The following DAB1 variants were observed in gnomAD, a reference collection of about 807,000 sequenced individuals.
DAB1 encodes DAB adaptor protein 1, also known as disabled homolog 1.
DAB1 carries 15 observed loss-of-function variants against 64.6 expected under a neutral mutation model. The observed-to-expected ratio is 0.23, with a 90% confidence interval of 0.16 to 0.36. The LOEUF (loss-of-function observed/expected upper bound fraction) is 0.36, where lower values mean the gene tolerates loss of function less well. DAB1 is among the 10% of genes least tolerant of loss of function. The pLI is 1.00. For missense variants in DAB1, 596 were observed against 706.7 expected (o/e 0.84, Z 1.78); for synonymous variants, 235 against 251.9 (o/e 0.93, Z 0.64).
intron 4 of DAB1, among the ~76,000 whole-genome samples, chr1:58,248,935 C>G (rs1413431584): frequency 6.6e-6 from 1 of 152,118 alleles, no homozygotes; most frequent in Non-Finnish European, 1.5e-5. Flanking sequence ...TAAGGAACCT[C>G]GGTCTGCAAC....
intron 1 of DAB1, among the ~76,000 whole-genome samples, chr1:57,351,021 C>T (rs1370287481): frequency 6.6e-6 from 1 of 152,184 alleles, no homozygotes; most frequent in Admixed American, 6.5e-5. Flanking sequence ...CAACTCACTT[C>T]TTACATACTA....
At chr1:58,309,130 A>G (rs1662373075) in intron 4 of DAB1, among the ~76,000 whole-genome samples, 1 of 152,118 alleles carries the variant, frequency 6.6e-6, no homozygotes, top group South Asian at 2.1e-4. Context: ...TGCGGATGAT[A>G]TTGTTTCTTT....
chr1:57,564,452 T>C (rs540115210), intron 7 of DAB1, among the ~76,000 whole-genome samples: 1 of 151,694 alleles, frequency 6.6e-6, no homozygotes, highest in Admixed American at 6.6e-5. Context: ...CTTTGATGAG[T>C]TGAGAGAAGG....
chr1:57,932,163 T>C (rs1644962623), intron 5 of DAB1, among the ~76,000 whole-genome samples: 1 of 152,192 alleles, frequency 6.6e-6, no homozygotes, highest in African/African-American at 2.4e-5. Flanking sequence ...CTGCTATTGA[T>C]TTCTAGTTTA....
chr1:57,838,467 A>T (rs2101912471), intron 1 of DAB1, among the ~76,000 whole-genome samples: 1 of 152,284 alleles, frequency 6.6e-6, no homozygotes, highest in South Asian at 2.1e-4. Context: ...CAGAAAAAAA[A>T]ACTGGTGTGA....
At chr1:57,128,362 G>A (rs1054564061) in intron 4 of DAB1, among the ~76,000 whole-genome samples, 35 of 151,922 alleles carry the variant, frequency 2.3e-4, no homozygotes, top group African/African-American at 8.5e-4. Flanking sequence ...TGGACCCATC[G>A]TGGGATCACA....
chr1:58,146,478 TG>T (rs1654601101), intron 5 of DAB1, among the ~76,000 whole-genome samples: 1 of 152,208 alleles, frequency 6.6e-6, no homozygotes, highest in African/African-American at 2.4e-5. Flanking sequence ...ACTGCAAGTT[TG>T]TACCCTTTGA....
At position 58,245,098 on chromosome 1, in the gene DAB1, A is replaced by G. The variant is rs1383767328; in HGVS notation, n.310-94510T>C. Reference sequence around the variant, plus strand: ...GACTCTCTCCATGGTTCTGATTCAAATAAGAGATGCAGAAGAACAGTACTG... The same window carrying G: ...GACTCTCTCCATGGTTCTGATTCAAGTAAGAGATGCAGAAGAACAGTACTG... On this transcript the variant is annotated intron_variant and non_coding_transcript_variant, in intron 4 of 20. Coordinates refer to the DAB1 transcript ENST00000485760. 2.0e-5 allele frequency among the ~76,000 whole-genome samples: 3 copies of G among 152,218 alleles called. No individual in the cohort carries two copies. In the East Asian group the frequency reaches 5.8e-4, roughly 29 times the overall value.
chr1:58,414,429 CTG>C (rs1466932155), intron 3 of DAB1, among the ~76,000 whole-genome samples: 1 of 152,184 alleles, frequency 6.6e-6, no homozygotes, highest in Admixed American at 6.5e-5. Context: ...CTGTTTTATT[CTG>C]TGTGTCTCCA....
chr1:57,864,507 T>C (rs1197841221), intron 1 of DAB1: 1 of 152,050 alleles, frequency 6.6e-6, no homozygotes, highest in African/African-American at 2.4e-5. Context: ...CTATCAGAAC[T>C]GCTTGACTTT....
chr1:58,515,566 A>T (rs1377438900), intron 2 of DAB1, among the ~76,000 whole-genome samples: 1 of 152,228 alleles, frequency 6.6e-6, no homozygotes, highest in Non-Finnish European at 1.5e-5. Flanking sequence ...GATAAAATTA[A>T]GTTCCAAATA....
At chr1:57,410,269 A>G (rs1024492665) in intron 1 of DAB1, among the ~76,000 whole-genome samples, 1 of 152,254 alleles carries the variant, frequency 6.6e-6, no homozygotes, top group African/African-American at 2.4e-5. Flanking sequence ...AAAAAAAGAA[A>G]AAAACAAAAA....
At chr1:57,255,190 A>G (rs1669672188) in intron 2 of DAB1, among the ~76,000 whole-genome samples, 1 of 152,224 alleles carries the variant, frequency 6.6e-6, no homozygotes. Context: ...CCAAGAAACC[A>G]ATAAATATGT....
upstream of DAB1, among the ~76,000 whole-genome samples, chr1:57,887,475 C>A (rs1206119225): frequency 6.6e-6 from 1 of 152,144 alleles, no homozygotes; most frequent in Non-Finnish European, 1.5e-5. Flanking sequence ...TTCAATCTGC[C>A]AGTCAACGCA....
At chr1:57,173,343 T>C (rs1207933768) in intron 2 of DAB1, among the ~76,000 whole-genome samples, 1 of 152,204 alleles carries the variant, frequency 6.6e-6, no homozygotes, top group Non-Finnish European at 1.5e-5. Flanking sequence ...AAATTCCACA[T>C]CTGAACTCAT....
intron 4 of DAB1, among the ~76,000 whole-genome samples, chr1:58,249,765 A>T (rs940485605): frequency 2.0e-5 from 3 of 151,604 alleles, no homozygotes; most frequent in Middle Eastern, 3.2e-3. Context: ...CTGGGGTGTC[A>T]GGGAGCAAGA....
intron 2 of DAB1, among the ~76,000 whole-genome samples, chr1:58,518,443 C>T (rs989200336): frequency 5.9e-5 from 9 of 151,336 alleles, no homozygotes; most frequent in African/African-American, 1.9e-4. Flanking sequence ...TTACTTGTGG[C>T]AGGGTGGAGA....
At position 57,068,615 on chromosome 1, in the gene DAB1, G is replaced by A. The variant is rs186200489; in HGVS notation, c.663+745C>T. 3.8e-3 allele frequency among the ~76,000 whole-genome samples: 582 copies of A among 152,164 alleles called. 6 individuals are homozygous for A. The highest frequency in any genetic ancestry group is 0.014 in the African/African-American group (569 of 41,510). Reference sequence around the variant, plus strand: ...TTCAAATTGGGACTACAATACTAATGAGTGAAAAGTTGCAGGTCATCATAT... The same window carrying A: ...TTCAAATTGGGACTACAATACTAATAAGTGAAAAGTTGCAGGTCATCATAT... On this transcript the variant is annotated intron_variant, in intron 8 of 14. Coordinates refer to ENST00000371236, the MANE Select transcript of DAB1 (RefSeq NM_001365792.1).
chr1:58,168,083 C>T (rs1275050099), intron 4 of DAB1, among the ~76,000 whole-genome samples: 1 of 152,130 alleles, frequency 6.6e-6, no homozygotes, highest in Non-Finnish European at 1.5e-5. Context: ...TCCTATTTTT[C>T]CTTAGAATTC....
Sources: gnomAD v4.1 joint callset for allele counts (sites outside exome capture counted in the v4.1 genomes callset) on GRCh38, gnomAD v4.1.1 for gene constraint, MANE v1.5 for transcripts, NCBI Gene and HGNC (gene_info 2026-07-23, HGNC 2026-07-21) for gene names.